The following POLQ variants were observed in gnomAD, a reference collection of about 807,000 sequenced individuals.
POLQ encodes the protein epididymis secretory sperm binding protein.
In POLQ, 233 loss-of-function variants were observed where a neutral mutation model predicts 259.2. The ratio of observed to expected loss-of-function variants is 0.90; its 90% CI spans 0.81 to 1.00. The LOEUF (loss-of-function observed/expected upper bound fraction) is 1.00. Among genes scored for constraint, POLQ ranks in the 50% least tolerant of loss-of-function variants. POLQ has a pLI of 0.00. For missense variants in POLQ, 2,871 were observed against 3,051.6 expected, an observed-to-expected ratio of 0.94 and a Z score of 1.39; for synonymous variants, 1,025 against 1,048.8, an observed-to-expected ratio of 0.98 and a Z score of 0.44.
intron 18 of POLQ, 81 bp downstream of exon 18, chr3:121,483,305 G>T: frequency 5.6e-6 from 4 of 711,386 alleles, no homozygotes; most frequent in Non-Finnish European, 8.7e-6. Context: ...CATTATTGAT[G>T]CTAAGTAAAT....
intron 3 of POLQ, among the ~76,000 whole-genome samples, chr3:121,540,860 T>C (rs910593300): frequency 2.0e-5 from 3 of 151,804 alleles, no homozygotes; most frequent in African/African-American, 7.3e-5. Flanking sequence ...AATGCAATAA[T>C]AATTTTCTTT....
chr3:121,483,646 A>C, intron 17 of POLQ, 64 bp from the exon 18 acceptor site: 1 of 1,241,972 alleles, frequency 8.1e-7, no homozygotes, highest in Non-Finnish European at 1.1e-6. Flanking sequence ...CATTCATTTG[A>C]AGCAGCAATC....
At chr3:121,498,446 T>C in intron 13 of POLQ, 31 bp downstream of exon 13, 4 of 1,540,780 alleles carry the variant, frequency 2.6e-6, no homozygotes, top group Non-Finnish European at 3.6e-6. Flanking sequence ...CTGTGTTAAA[T>C]ACCGGAGAGC....
At position 121,468,359 on chromosome 3, in the gene POLQ, A is replaced by G; in HGVS notation, c.6791T>C (p.Val2264Ala). The change falls in exon 23 of 30, where the codon GTA becomes GCA. Residue 2264 changes from valine to alanine, a missense_variant. Physicochemically the swap from Val to Ala is moderately conservative, Grantham distance 64. Coordinates refer to ENST00000264233, the MANE Select transcript of POLQ (RefSeq NM_199420.4). ...AGCTTGAGAAGGTGGGCTTTCTCCT[A>G]CTAGTGTTGGCATTTTGATTTCAAA... ...RDFEIKMPTL[V>A]GESPPSQAVG... is the part of the protein sequence containing the mutation. 1.2e-6 allele frequency: 2 copies of G among 1,611,212 alleles called. No homozygotes were observed. Among genetic ancestry groups the G allele is most frequent in the Non-Finnish European group, 1.7e-6 (2 of 1,177,430 alleles).
rs146668252 is a variant in POLQ at position 121,488,088 on chromosome 3, C to T, written c.4843G>A (p.Ala1615Thr). Residue 1615 changes from alanine to threonine, a missense_variant, in exon 16 of 30, where the codon GCT becomes ACT. Coordinates refer to ENST00000264233, the MANE Select transcript of POLQ (RefSeq NM_199420.4). ...GTCCCAGTTAATTTTGATTTTTCAGCCCTTTCATCTTGATCTCCTCCATCT... is the reference window on the plus strand; with the variant it reads ...GTCCCAGTTAATTTTGATTTTTCAGTCCTTTCATCTTGATCTCCTCCATCT... ...DQDGGDQDERAEKSKLTGTRQ... is the reference protein window; with the variant it reads ...DQDGGDQDERTEKSKLTGTRQ... 6.2e-6 allele frequency: 10 copies of T among 1,613,746 alleles called. No homozygotes were observed. The African/African-American group carries it at 1.3e-4, about 22-fold the overall frequency.
At chr3:121,519,359 G>GAGAT (rs1553820117) in intron 9 of POLQ, among the ~76,000 whole-genome samples, 3 of 136,698 alleles carry the variant, frequency 2.2e-5, no homozygotes, top group African/African-American at 8.0e-5. Flanking sequence ...AACAGTTGAT[G>GAGAT]ATATATATAT....
chr3:121,545,633 C>A, intron 1 of POLQ, 82 bp downstream of exon 1: 1 of 1,343,140 alleles, frequency 7.4e-7, no homozygotes, highest in East Asian at 2.5e-5. Context: ...CGAAGCAAGT[C>A]CCGTGGGGTG....
intron 20 of POLQ, among the ~76,000 whole-genome samples, chr3:121,474,725 CTATT>C (rs1309947770): frequency 6.6e-6 from 1 of 152,146 alleles, no homozygotes; most frequent in Non-Finnish European, 1.5e-5. Context: ...ATGTCAGTAA[CTATT>C]TAGCCCAAGA....
At chr3:121,438,016 G>A (rs1045236552) in intron 27 of POLQ, among the ~76,000 whole-genome samples, 2 of 152,144 alleles carry the variant, frequency 1.3e-5, no homozygotes, top group African/African-American at 4.8e-5. Context: ...CATGAGGGGC[G>A]CTTCTGGGGC....
Position 121,510,053 on chromosome 3 carries a change from C to A in POLQ, c.1802G>T (p.Ser601Ile), listed in dbSNP as rs758650458. 5 of 1,613,456 alleles carry A rather than the reference C, an allele frequency of 3.1e-6. No homozygotes were observed. The East Asian group carries it at 1.1e-4, about 36-fold the overall frequency. Reference sequence around the variant, plus strand: ...GTCACACTTACCTTCTGTTCCATCACTGGCTTCTGTACTCTGGATGAATTC... The same window carrying A: ...GTCACACTTACCTTCTGTTCCATCAATGGCTTCTGTACTCTGGATGAATTC... Reference protein sequence around the residue: ...ENEFIQSTEASDGTEGKVYHP... With the variant: ...ENEFIQSTEAIDGTEGKVYHP... The change falls in exon 11 of 30, where the codon AGT (serine) becomes ATT (isoleucine). Residue 601 changes from serine (S) to isoleucine (I), a missense_variant. Ser to Ile is a moderately radical substitution (Grantham distance 142). This residue lies in a region of POLQ where 783 missense variants were observed against 906.2 expected (regional missense o/e 0.86). Coordinates refer to ENST00000264233, the MANE Select transcript of POLQ (RefSeq NM_199420.4).
chr3:121,509,435 C>T (rs2048234578), intron 12 of POLQ, 126 bp downstream of exon 12: 1 of 669,240 alleles, frequency 1.5e-6, no homozygotes, highest in South Asian at 2.4e-5. Context: ...TCTCTATTCC[C>T]ACCAGTACTA....
At chr3:121,523,047 ACT>A (rs2048348865) in intron 7 of POLQ, among the ~76,000 whole-genome samples, 1 of 151,842 alleles carries the variant, frequency 6.6e-6, no homozygotes, top group African/African-American at 2.4e-5. Flanking sequence ...ACAGGGTCTC[ACT>A]CTGTCACCCA....
rs2108788073 is a variant in POLQ, at chr3:121,468,322, G to A, written c.6828C>T (p.Gly2276=). Residue 2276 remains glycine (G), a synonymous_variant, in exon 23 of 30, where the codon GGC becomes GGT. Transcript: ENST00000264233. ...GCACCTACCTGCCCATGGGAAGTAG[G>A]CCTTTGCCTACAGCTTGAGAAGGTG... ...ESPPSQAVGK[G]LLPMGRGKYK... The A allele has an allele frequency of 6.2e-7, 1 of 1,613,100 alleles. No individual in the cohort carries two copies. The highest frequency in any genetic ancestry group is 8.5e-7 in the Non-Finnish European group (1 of 1,179,400).
chr3:121,481,607 T>G lies in POLQ; in HGVS notation c.6176A>C (p.Gln2059Pro). The G allele has an allele frequency of 6.2e-7, 1 of 1,610,798 alleles. No homozygotes were observed. The highest frequency in any genetic ancestry group is 8.5e-7 in the Non-Finnish European group (1 of 1,178,380). Residue 2059 changes from glutamine to proline, a missense_variant, in exon 19 of 30, where the codon CAG (glutamine) becomes CCG (proline). Physicochemically the swap from Gln to Pro is moderately conservative, Grantham distance 76. Coordinates refer to ENST00000264233, the MANE Select transcript of POLQ (RefSeq NM_199420.4). ...ESILIFNSMNQLNSLLQKENL... is the reference protein window; with the variant it reads ...ESILIFNSMNPLNSLLQKENL... ...TTCCTTCTGCAACAAAGAGTTGAGCTGATTCATAGAGTTGAAGATGAGAAT... is the reference window on the plus strand; with the variant it reads ...TTCCTTCTGCAACAAAGAGTTGAGCGGATTCATAGAGTTGAAGATGAGAAT...
intron 25 of POLQ, among the ~76,000 whole-genome samples, chr3:121,457,852 A>T (rs2047755551): frequency 6.6e-6 from 1 of 152,282 alleles, no homozygotes; most frequent in Admixed American, 6.5e-5. Flanking sequence ...CTAGTACTAG[A>T]AATACCATTT....
In POLQ at chr3:121,541,525, C is replaced by A. The variant is rs75509410; in HGVS notation, c.344-46G>T. 7 of 1,508,956 alleles carry A rather than the reference C, an allele frequency of 4.6e-6. No individual in the cohort carries two copies. In the Admixed American group the frequency reaches 8.1e-5, roughly 18 times the overall value. The allele number at this position is 1,508,956 out of a possible 1,614,324, so 93.5% of individuals were successfully genotyped here. ...AAGATTATAAGAAAAAAGTAATATT[C>A]GGTACAATTCATTAATAAATGTTTT... On this transcript the variant is annotated intron_variant, in intron 2 of 29. Transcript: ENST00000264233.
intron 7 of POLQ, among the ~76,000 whole-genome samples, chr3:121,524,937 T>TAA (rs2048361897): frequency 1.3e-5 from 2 of 148,526 alleles, no homozygotes; most frequent in African/African-American, 5.0e-5. Flanking sequence ...TGTGTATAAA[T>TAA]ACACACACAC....
chr3:121,505,325 TCCCAG>T (rs1390384186), intron 12 of POLQ, among the ~76,000 whole-genome samples: 1 of 152,174 alleles, frequency 6.6e-6, no homozygotes, highest in Non-Finnish European at 1.5e-5. Context: ...TTTATAAATA[TCCCAG>T]TCTCCATAAT....
intron 21 of POLQ, among the ~76,000 whole-genome samples, chr3:121,472,988 C>A (rs2047897734): frequency 6.6e-6 from 1 of 152,180 alleles, no homozygotes; most frequent in Admixed American, 6.5e-5. Context: ...CGTTGGGAGG[C>A]TGAGGCGGGA....
Sources: gnomAD v4.1 joint callset for allele counts (sites outside exome capture counted in the v4.1 genomes callset) on GRCh38, gnomAD v4.1.1 for gene constraint, gnomAD v4.1.1 regional missense constraint, MANE v1.5 for transcripts, NCBI Gene and HGNC (gene_info 2026-07-23, HGNC 2026-07-21) for gene names.